MEGF11: variants seen among roughly 807,000 people sequenced by gnomAD.
MEGF11 encodes the protein multiple EGF like domains 11, also known as multiple epidermal growth factor-like domains protein 11.
MEGF11 carries 126 observed loss-of-function variants against 146.6 expected under a neutral mutation model. That is an observed-to-expected ratio of 0.86 (90% confidence interval 0.74 to 1.00). The LOEUF (loss-of-function observed/expected upper bound fraction) is 1.00. Among genes scored for constraint, MEGF11 ranks in the 50% least tolerant of loss-of-function variants. MEGF11 has a pLI of 0.00. For missense variants in MEGF11, 1,509 were observed against 1,521.2 expected, an observed-to-expected ratio of 0.99 and a Z score of 0.13; for synonymous variants, 532 against 583.4, an observed-to-expected ratio of 0.91 and a Z score of 1.27.
intron 1 of MEGF11, among the ~76,000 whole-genome samples, chr15:66,147,424 C>T (rs976801767): frequency 3.9e-5 from 6 of 152,208 alleles, no homozygotes; most frequent in African/African-American, 1.2e-4. Context: ...CATATTCTAA[C>T]GGGAAAGAGA....
At position 66,105,757 on chromosome 15, in the gene MEGF11, GCAAA is replaced by G. The variant is rs199753275; in HGVS notation, c.302-11267_302-11264del. Among the ~76,000 whole-genome samples the G allele has an allele frequency of 9.9e-3, 1,502 of 152,346 alleles. 10 individuals carry two copies. The highest frequency in any genetic ancestry group is 0.016 in the Non-Finnish European group (1,095 of 68,034). On this transcript the variant is annotated intron_variant, in intron 4 of 25. Coordinates refer to ENST00000395614, the MANE Select transcript of MEGF11 (RefSeq NM_001385028.1). ...TTTACCTTGCCAAAAGTTTAGCTGA[GCAAA>G]CAGAGTCCTCTAAATCACACTTGCT...
At chr15:65,942,882 G>A (rs2080049522) in intron 10 of MEGF11, among the ~76,000 whole-genome samples, 1 of 148,266 alleles carries the variant, frequency 6.7e-6, no homozygotes. Context: ...ATCATTGACA[G>A]CATATGACCC....
At chr15:65,937,887 C>T (rs2141353144) in intron 10 of MEGF11, among the ~76,000 whole-genome samples, 1 of 152,348 alleles carries the variant, frequency 6.6e-6, no homozygotes, top group African/African-American at 2.4e-5. Context: ...TGAAATGTAC[C>T]AAACTGCTCT....
Position 66,097,437 on chromosome 15 carries a change from G to A in MEGF11, c.302-2943C>T, listed in dbSNP as rs538543548. Among the ~76,000 whole-genome samples, 509 of 152,314 alleles carry A rather than the reference G, an allele frequency of 3.3e-3. 1 individual carries two copies. Among genetic ancestry groups the A allele is most frequent in the Non-Finnish European group, 5.0e-3 (342 of 68,006 alleles). The stretch of plus-strand genomic sequence containing the variant: ...GTGCCCTAAGCTCTTTCAGACCACA[G>A]ACCCCCATGCCAGTGACTGCCTGGG... On this transcript the variant is annotated intron_variant, in intron 4 of 25. Coordinates refer to ENST00000395614, the MANE Select transcript of MEGF11 (RefSeq NM_001385028.1).
intron 10 of MEGF11, among the ~76,000 whole-genome samples, chr15:65,941,502 T>A (rs1360705737): frequency 6.6e-6 from 1 of 152,086 alleles, no homozygotes; most frequent in Non-Finnish European, 1.5e-5. Flanking sequence ...AAAAGGTGTT[T>A]TAGATCAAGT....
intron 5 of MEGF11, among the ~76,000 whole-genome samples, chr15:66,093,775 G>C (rs181992918): frequency 3.3e-5 from 5 of 152,138 alleles, no homozygotes; most frequent in African/African-American, 1.2e-4. Context: ...CCCCACAGTA[G>C]AGACAATGCA....
At chr15:66,050,235 C>T (rs2084396043) in intron 5 of MEGF11, among the ~76,000 whole-genome samples, 1 of 152,154 alleles carries the variant, frequency 6.6e-6, no homozygotes, top group African/African-American at 2.4e-5. Context: ...AGAGCCCCTA[C>T]ATTCTGGTGG....
At chr15:66,215,320 A>C (rs563384709) in intron 1 of MEGF11, among the ~76,000 whole-genome samples, 1 of 152,286 alleles carries the variant, frequency 6.6e-6, no homozygotes, top group African/African-American at 2.4e-5. Flanking sequence ...AGGAGAAAGA[A>C]CAGAGAATGG....
At chr15:66,042,042 C>A (rs1660550551) in intron 5 of MEGF11, among the ~76,000 whole-genome samples, 1 of 151,882 alleles carries the variant, frequency 6.6e-6, no homozygotes, top group Admixed American at 6.6e-5. Context: ...AGCTCAACAA[C>A]TTAGAGCCAA....
intron 10 of MEGF11, among the ~76,000 whole-genome samples, chr15:65,936,325 G>A (rs940174957): frequency 3.3e-5 from 5 of 152,214 alleles, no homozygotes; most frequent in Non-Finnish European, 7.3e-5. Context: ...TGTGAGCTCC[G>A]TGGGGATGGA....
At chr15:66,239,720 G>A (rs1376105320) in intron 1 of MEGF11, among the ~76,000 whole-genome samples, 3 of 152,176 alleles carry the variant, frequency 2.0e-5, no homozygotes, top group Non-Finnish European at 2.9e-5. Context: ...TCCACCCACC[G>A]GTCATGTGGA....
At chr15:66,007,975 C>T (rs1183986116) in intron 5 of MEGF11, among the ~76,000 whole-genome samples, 3 of 152,146 alleles carry the variant, frequency 2.0e-5, no homozygotes, top group African/African-American at 4.8e-5. Flanking sequence ...GCATGGTTGT[C>T]AGGGTTTCAG....
chr15:66,096,116 C>A (rs1000635780), intron 4 of MEGF11, among the ~76,000 whole-genome samples: 1 of 152,216 alleles, frequency 6.6e-6, no homozygotes, highest in African/African-American at 2.4e-5. Flanking sequence ...CCAGCCAGCT[C>A]CCAGCCCTGG....
chr15:66,215,157 A>C (rs1435084603), intron 1 of MEGF11, among the ~76,000 whole-genome samples: 1 of 152,210 alleles, frequency 6.6e-6, no homozygotes, highest in Non-Finnish European at 1.5e-5. Flanking sequence ...TTCTAGTCTC[A>C]GTGCGTTTTC....
chr15:66,063,212 A>G (rs1405947634), intron 5 of MEGF11, among the ~76,000 whole-genome samples: 1 of 152,220 alleles, frequency 6.6e-6, no homozygotes, highest in Non-Finnish European at 1.5e-5. Context: ...ACACTCCAGG[A>G]CAGGCTTGAA....
intron 4 of MEGF11, 107 bp from the exon 5 acceptor site, chr15:66,094,601 A>AG: frequency 1.6e-5 from 15 of 953,884 alleles, no homozygotes; most frequent in Non-Finnish European, 2.4e-5. Flanking sequence ...GTGCCCAGGG[A>AG]TGCTTAGAAC....
At chr15:65,914,754 A>G (rs2078934992) in intron 19 of MEGF11, among the ~76,000 whole-genome samples, 1 of 152,180 alleles carries the variant, frequency 6.6e-6, no homozygotes, top group Non-Finnish European at 1.5e-5. Context: ...AATGCAACGG[A>G]AATCTGTCTT....
intron 1 of MEGF11, among the ~76,000 whole-genome samples, chr15:66,218,755 T>C (rs2091649498): frequency 1.3e-5 from 2 of 152,062 alleles, no homozygotes; most frequent in African/African-American, 4.8e-5. Flanking sequence ...ATCTTTAAAA[T>C]AGAATGTACT....
chr15:66,002,996 CT>C lies in MEGF11; in HGVS notation c.395-20509del, dbSNP rs1298031565. ...TGTTTCTTTCTTTTCTTTCTTTTTTCTTTTTTTTTTTTGAGATAGAGTCTAG... is the reference window on the plus strand; with the variant it reads ...TGTTTCTTTCTTTTCTTTCTTTTTTCTTTTTTTTTTTGAGATAGAGTCTAG... On this transcript the variant is annotated intron_variant, in intron 5 of 25. Transcript: ENST00000395614. Among the ~76,000 whole-genome samples the C allele has an allele frequency of 2.3e-3, 277 of 118,514 alleles. 2 individuals carry two copies. The highest frequency in any genetic ancestry group is 8.2e-3 in the Middle Eastern group (2 of 244). The allele number at this position is 118,514 out of a possible 152,430, so 77.7% of individuals were successfully genotyped here. A position where few individuals can be genotyped will look rare whatever the true frequency, so the allele number is the denominator to read the frequency against.
Sources: gnomAD v4.1 joint callset for allele counts (sites outside exome capture counted in the v4.1 genomes callset) on GRCh38, gnomAD v4.1.1 for gene constraint, MANE v1.5 for transcripts, NCBI Gene and HGNC (gene_info 2026-07-23, HGNC 2026-07-21) for gene names.